Variants in PRAG1 observed in about 807,000 individuals in gnomAD.
The protein encoded by PRAG1 is inactive tyrosine-protein kinase PRAG1.
A neutral mutation model predicts 95.6 loss-of-function variants in PRAG1; 110 were observed. The observed-to-expected ratio is 1.15, with a 90% confidence interval of 0.99 to 1.35. The LOEUF is 1.35. PRAG1 is among the 40% of genes most tolerant of loss of function. PRAG1 has a pLI of 0.00. For synonymous variants in PRAG1, 1,052 were observed against 819.4 expected, an observed-to-expected ratio of 1.28 and a Z score of -4.85; for missense variants, 2,554 against 1,864.7, an observed-to-expected ratio of 1.37 and a Z score of -6.81.
In PRAG1 at chr8:8,363,842, A is replaced by AAT. The variant is rs1184447788; in HGVS notation, c.2162+12404_2162+12405insAT. On this transcript the variant is annotated intron_variant, in intron 3 of 5. Coordinates refer to ENST00000615670, the MANE Select transcript of PRAG1 (RefSeq NM_001080826.3). ...AACTGTTTATATTTAATTTATATTAAGTATATTGTGCTATAGATTTCATTC... is the reference window on the plus strand; with the variant it reads ...AACTGTTTATATTTAATTTATATTAAATGTATATTGTGCTATAGATTTCATTC... Among the ~76,000 whole-genome samples the AAT allele has an allele frequency of 3.9e-5, 6 of 152,328 alleles. No homozygotes were observed. In the East Asian group the frequency reaches 1.2e-3, roughly 29 times the overall value.
chr8:8,329,837 G>T (rs1172694891), intron 4 of PRAG1, among the ~76,000 whole-genome samples: 1 of 152,200 alleles, frequency 6.6e-6, no homozygotes, highest in Non-Finnish European at 1.5e-5. Context: ...GAGCAAGATG[G>T]ATGGCCATGG....
chr8:8,357,666 G>A (rs1177193848), intron 3 of PRAG1, among the ~76,000 whole-genome samples: 1 of 152,180 alleles, frequency 6.6e-6, no homozygotes, highest in African/African-American at 2.4e-5. Context: ...ATCACCAAAT[G>A]AGCCAACAAT....
chr8:8,368,842 A>C (rs1189160495), intron 3 of PRAG1, among the ~76,000 whole-genome samples: 4 of 152,122 alleles, frequency 2.6e-5, no homozygotes, highest in Admixed American at 6.5e-5. Context: ...GGTGGAAAAA[A>C]AAAAGTGTTT....
chr8:8,323,873 G>A (rs566905165), intron 5 of PRAG1, among the ~76,000 whole-genome samples: 42 of 152,226 alleles, frequency 2.8e-4, no homozygotes, highest in Admixed American at 9.2e-4. Context: ...ACTGGAAAGC[G>A]CTTCGAGTAT....
In PRAG1 at chr8:8,377,358, TGCC is replaced by T; in HGVS notation, c.1048_1050del (p.Gly350del). 9.8e-5 allele frequency: 46 copies of T among 470,836 alleles called. 2 individuals carry two copies. The highest frequency in any genetic ancestry group is 6.9e-4 in the South Asian group (35 of 50,488). The allele number at this position is 470,836 out of a possible 1,614,324, so 29.2% of individuals were successfully genotyped here. The stretch of plus-strand genomic sequence containing the variant: ...GGGACGAAGGGGCTACTGGCGCCGC[TGCC>T]GCTGCCGCTGCCGCTGCCACAAGAG... On this transcript the variant is annotated inframe_deletion, in exon 3 of 6. Transcript: ENST00000615670.
chr8:8,333,483 A>G (rs1025763963), intron 4 of PRAG1, among the ~76,000 whole-genome samples: 6 of 152,202 alleles, frequency 3.9e-5, no homozygotes, highest in Non-Finnish European at 7.3e-5. Flanking sequence ...TATATTTAGA[A>G]AGCAGAGATG....
At chr8:8,344,967 C>T (rs1486700656) in intron 3 of PRAG1, among the ~76,000 whole-genome samples, 1 of 151,906 alleles carries the variant, frequency 6.6e-6, no homozygotes, top group Non-Finnish European at 1.5e-5. Context: ...TAGCAGAAGT[C>T]ACTGTTGTCA....
intron 5 of PRAG1, among the ~76,000 whole-genome samples, chr8:8,320,490 G>T (rs1798438401): frequency 6.6e-6 from 1 of 152,166 alleles, no homozygotes; most frequent in Non-Finnish European, 1.5e-5. Flanking sequence ...CAACTAGAGA[G>T]TCTTGAACCA....
chr8:8,367,504 G>A (rs1053003064), intron 3 of PRAG1, among the ~76,000 whole-genome samples: 1 of 136,336 alleles, frequency 7.3e-6, no homozygotes, highest in Non-Finnish European at 1.6e-5. Flanking sequence ...AAAAAGAATC[G>A]CGTTAAGTGA....
intron 5 of PRAG1, among the ~76,000 whole-genome samples, chr8:8,326,488 G>T (rs1312133313): frequency 6.6e-6 from 1 of 152,002 alleles, no homozygotes; most frequent in Non-Finnish European, 1.5e-5. Flanking sequence ...GAAGGGCCAG[G>T]GTCTCAATAG....
At chr8:8,364,830 G>A (rs949698010) in intron 3 of PRAG1, among the ~76,000 whole-genome samples, 2 of 152,064 alleles carry the variant, frequency 1.3e-5, no homozygotes, top group African/African-American at 2.4e-5. Context: ...ACCCTGAACT[G>A]TAAGGATCTT....
At chr8:8,325,676 C>A (rs1272372241) in intron 5 of PRAG1, among the ~76,000 whole-genome samples, 1 of 151,924 alleles carries the variant, frequency 6.6e-6, no homozygotes, top group African/African-American at 2.4e-5. Flanking sequence ...TTTCGGAGGC[C>A]GAGGCAGGTG....
At position 8,324,561 on chromosome 8, in the gene PRAG1, C is replaced by T. The variant is rs573941291; in HGVS notation, c.3072+3149G>A. ...GAGGGAGTGGCTTTTTCTCCATCTC[C>T]ATCTCCCTACTCCCTGCCCCCAACC... On this transcript the variant is annotated intron_variant, in intron 5 of 5. Coordinates refer to ENST00000615670, the MANE Select transcript of PRAG1 (RefSeq NM_001080826.3). Among the ~76,000 whole-genome samples, 232 of 152,266 alleles carry T rather than the reference C, an allele frequency of 1.5e-3. 2 individuals carry two copies. Among genetic ancestry groups the T allele is most frequent in the East Asian group, 1.7e-3 (9 of 5,174 alleles).
At chr8:8,379,866 G>T (rs914498047) in intron 2 of PRAG1, among the ~76,000 whole-genome samples, 2 of 152,226 alleles carry the variant, frequency 1.3e-5, no homozygotes, top group African/African-American at 4.8e-5. Flanking sequence ...CTAGAAGAAA[G>T]CTGGTAAAAT....
Position 8,318,635 on chromosome 8 carries a change from G to C in PRAG1, c.3740C>G (p.Ser1247Cys). The C allele has an allele frequency of 3.1e-6, 5 of 1,612,770 alleles. No individual in the cohort carries two copies. The highest frequency in any genetic ancestry group is 4.2e-6 in the Non-Finnish European group (5 of 1,179,882). ...GAACTCATCGAACTTGCGGTACTGG[G>C]AAGCAGACACGATCTCGGGGGCCAG... The part of the protein sequence containing the change: ...ARLAPEIVSA[S>C]QYRKFDEFQT... Residue 1247 changes from serine to cysteine, a missense_variant, in exon 6 of 6, where the codon TCC (serine) becomes TGC (cysteine). Transcript: ENST00000615670. This position sits in a 1 kb window ranked among gnomAD's most constrained non-coding sequence, Gnocchi z 4.2.
intron 5 of PRAG1, among the ~76,000 whole-genome samples, chr8:8,321,858 T>C (rs1218028737): frequency 6.6e-6 from 1 of 152,218 alleles, no homozygotes; most frequent in Non-Finnish European, 1.5e-5. Context: ...ACTGAATTAG[T>C]GAATAGTGAA....
Position 8,318,271 on chromosome 8 carries a change from C to T in PRAG1, c.4104G>A (p.Glu1368=). 13 of 1,614,226 alleles carry T rather than the reference C, an allele frequency of 8.1e-6. No homozygotes were observed. Among genetic ancestry groups the T allele is most frequent in the Non-Finnish European group, 1.1e-5 (13 of 1,180,022 alleles). The change falls in exon 6 of 6, where the codon GAG becomes GAA. Residue 1368 remains glutamate (E), a synonymous_variant. Transcript: ENST00000615670. This position sits in a 1 kb window ranked among gnomAD's most constrained non-coding sequence, Gnocchi z 4.2. ...CGCCCCGCCTGCGATCCACCGCCTT[C>T]TCCGCAAACTTCATCATCATCAGGG... is the stretch of plus-strand genomic sequence containing the variant. ...KRALMMMKFA[E]KAVDRRRGVE...
chr8:8,354,521 T>C (rs1799626906), intron 3 of PRAG1, among the ~76,000 whole-genome samples: 1 of 152,188 alleles, frequency 6.6e-6, no homozygotes, highest in Non-Finnish European at 1.5e-5. Flanking sequence ...TGAATATTAA[T>C]TCAATTCTCA....
chr8:8,374,322 T>A (rs533788215), intron 3 of PRAG1, among the ~76,000 whole-genome samples: 44 of 152,354 alleles, frequency 2.9e-4, no homozygotes, highest in Admixed American at 9.1e-4. Flanking sequence ...CTTGGTTTTC[T>A]AATGCCAATA....
Sources: gnomAD v4.1 joint callset for allele counts (sites outside exome capture counted in the v4.1 genomes callset) on GRCh38, gnomAD v4.1.1 for gene constraint, Gnocchi (gnomAD v3.1) non-coding constraint, MANE v1.5 for transcripts, NCBI Gene and HGNC (gene_info 2026-07-23, HGNC 2026-07-21) for gene names.